RBFOX1: variants seen among roughly 807,000 people sequenced by gnomAD.
The protein encoded by RBFOX1 is RNA binding fox-1 homolog 1, also known as RNA binding protein fox-1 homolog 1.
RBFOX1 carries 8 observed loss-of-function variants against 57.7 expected under a neutral mutation model. That is an observed-to-expected ratio of 0.14 (90% CI 0.08 to 0.25). The LOEUF (loss-of-function observed/expected upper bound fraction) is 0.25. RBFOX1 is among the 10% of genes least tolerant of loss of function. The pLI, the probability that RBFOX1 is intolerant of heterozygous loss-of-function variation, is 1.00. For missense variants in RBFOX1, 611 were observed against 548.5 expected (o/e 1.11, Z -1.14); for synonymous variants, 326 against 222.4 (o/e 1.47, Z -4.15).
At chr16:6,427,301 T>C (rs1429738791) in intron 2 of RBFOX1, among the ~76,000 whole-genome samples, 1 of 152,230 alleles carries the variant, frequency 6.6e-6, no homozygotes, top group Non-Finnish European at 1.5e-5. Context: ...TTCATTATCA[T>C]CGTCATCTTA....
At chr16:6,522,268 C>A (rs1264730737) in intron 2 of RBFOX1, among the ~76,000 whole-genome samples, 1 of 151,424 alleles carries the variant, frequency 6.6e-6, no homozygotes, top group South Asian at 2.1e-4. Context: ...GTGAAGAGAT[C>A]ATAAAGCACA....
chr16:7,670,064 C>A (rs1428590883), intron 13 of RBFOX1, among the ~76,000 whole-genome samples: 1 of 152,166 alleles, frequency 6.6e-6, no homozygotes, highest in Non-Finnish European at 1.5e-5. Context: ...CATAGCCTCC[C>A]TGTATCACCC....
At chr16:7,266,329 T>G (rs1010544594) in intron 4 of RBFOX1, among the ~76,000 whole-genome samples, 33 of 152,246 alleles carry the variant, frequency 2.2e-4, no homozygotes, top group Non-Finnish European at 4.1e-4. Context: ...GCTCTCGCCC[T>G]CTTGCTCCTG....
At chr16:7,148,606 A>G (rs762438470) in intron 4 of RBFOX1, among the ~76,000 whole-genome samples, 1 of 152,236 alleles carries the variant, frequency 6.6e-6, no homozygotes. Flanking sequence ...TTTTCTAACA[A>G]TTCACCCTTT....
chr16:7,264,357 T>C (rs769719453), intron 4 of RBFOX1, among the ~76,000 whole-genome samples: 1 of 152,218 alleles, frequency 6.6e-6, no homozygotes, highest in Non-Finnish European at 1.5e-5. Flanking sequence ...CAAGATCTTA[T>C]GAGAAACTCA....
At chr16:6,194,236 G>A (rs1333123571) in intron 1 of RBFOX1, among the ~76,000 whole-genome samples, 3 of 152,100 alleles carry the variant, frequency 2.0e-5, no homozygotes, top group Admixed American at 2.0e-4. Flanking sequence ...ACCTCCTGAA[G>A]AGCCACAGAA....
At chr16:6,508,683 C>T (rs933670658) in intron 2 of RBFOX1, among the ~76,000 whole-genome samples, 4 of 152,076 alleles carry the variant, frequency 2.6e-5, no homozygotes, top group Admixed American at 1.3e-4. Context: ...CAAGGTCATT[C>T]CATCCTTTGC....
At chr16:5,387,046 C>T (rs146239810) in intron 1 of RBFOX1, among the ~76,000 whole-genome samples, 206 of 152,186 alleles carry the variant, frequency 1.4e-3, no homozygotes, top group African/African-American at 4.9e-3. Context: ...AGTGAAACTC[C>T]ATCTCAAAAA....
At chr16:6,882,981 A>T (rs957716421) in intron 3 of RBFOX1, among the ~76,000 whole-genome samples, 4 of 152,134 alleles carry the variant, frequency 2.6e-5, no homozygotes, top group African/African-American at 9.7e-5. Context: ...TGCCATTTCT[A>T]AAGGTGAGAT....
At position 6,962,898 on chromosome 16, in the gene RBFOX1, C is replaced by A. The variant is rs190397672; in HGVS notation, c.-15-89159C>A. 2.0e-4 allele frequency among the ~76,000 whole-genome samples: 30 copies of A among 150,440 alleles called. 1 individual carries two copies. Among genetic ancestry groups the A allele is most frequent in the Admixed American group, 1.5e-3 (22 of 15,122 alleles). On this transcript the variant is annotated intron_variant, in intron 3 of 15. Coordinates refer to ENST00000550418, the MANE Select transcript of RBFOX1 (RefSeq NM_018723.4). ...AGGGAAAAAAAGAAAAGAAAGTGAGCCTTGGGATGGGGTGATTTGGGTGGG... is the reference window on the plus strand; with the variant it reads ...AGGGAAAAAAAGAAAAGAAAGTGAGACTTGGGATGGGGTGATTTGGGTGGG...
intron 3 of RBFOX1, among the ~76,000 whole-genome samples, chr16:5,772,121 G>A (rs1442373209): frequency 1.3e-5 from 2 of 151,878 alleles, no homozygotes; most frequent in Non-Finnish European, 2.9e-5. Context: ...GCAATGAGCC[G>A]AGATCACACC....
chr16:7,706,529 C>G (rs946922418), intron 14 of RBFOX1, among the ~76,000 whole-genome samples: 1 of 152,202 alleles, frequency 6.6e-6, no homozygotes. Flanking sequence ...CATATAGTGT[C>G]TCCCCAGAAG....
intron 4 of RBFOX1, among the ~76,000 whole-genome samples, chr16:6,005,040 G>C (rs753583493): frequency 6.6e-6 from 1 of 152,186 alleles, no homozygotes; most frequent in Non-Finnish European, 1.5e-5. Context: ...TTTAAGAAGA[G>C]AGTGTGTTTT....
At chr16:5,710,445 G>C (rs1348247064) in intron 3 of RBFOX1, among the ~76,000 whole-genome samples, 1 of 152,210 alleles carries the variant, frequency 6.6e-6, no homozygotes, top group Non-Finnish European at 1.5e-5. Flanking sequence ...AGGAGGGGAA[G>C]AGACTTTGCC....
intron 3 of RBFOX1, among the ~76,000 whole-genome samples, chr16:6,986,267 C>G (rs999513855): frequency 1.5e-4 from 23 of 151,874 alleles, no homozygotes; most frequent in African/African-American, 5.6e-4. Context: ...ATGGCATGAT[C>G]TTGGCTCACT....
At chr16:6,878,753 T>G (rs1465020710) in intron 3 of RBFOX1, among the ~76,000 whole-genome samples, 2 of 152,140 alleles carry the variant, frequency 1.3e-5, no homozygotes, top group East Asian at 3.9e-4. Flanking sequence ...CATGAGAGTT[T>G]AAGGACCCTG....
chr16:5,299,238 A>C (rs548441898), intron 1 of RBFOX1, among the ~76,000 whole-genome samples: 11 of 152,290 alleles, frequency 7.2e-5, no homozygotes, highest in African/African-American at 2.6e-4. Context: ...TTTAAAAATC[A>C]ATCCATACTG....
At chr16:7,409,012 C>A (rs187070969) in intron 4 of RBFOX1, among the ~76,000 whole-genome samples, 3 of 152,184 alleles carry the variant, frequency 2.0e-5, no homozygotes, top group Admixed American at 6.5e-5. Context: ...CCCCTACTTT[C>A]TCCTGGGCTG....
At chr16:5,820,445 G>GC (rs2055804830) in intron 3 of RBFOX1, among the ~76,000 whole-genome samples, 1 of 152,126 alleles carries the variant, frequency 6.6e-6, no homozygotes, top group African/African-American at 2.4e-5. Context: ...GCTGGACCGT[G>GC]CCGGGATTGA....
Sources: gnomAD v4.1 joint callset for allele counts (sites outside exome capture counted in the v4.1 genomes callset) on GRCh38, gnomAD v4.1.1 for gene constraint, MANE v1.5 for transcripts, NCBI Gene and HGNC (gene_info 2026-07-23, HGNC 2026-07-21) for gene names.